CDON: variants seen among roughly 807,000 people sequenced by gnomAD.
CDON encodes cell adhesion associated, oncogene regulated, also known as cell adhesion molecule-related/down-regulated by oncogenes.
CDON carries 73 observed loss-of-function variants against 120.9 expected under a neutral mutation model. The observed-to-expected ratio is 0.60, with a 90% CI of 0.50 to 0.73. The LOEUF (loss-of-function observed/expected upper bound fraction) is 0.73. CDON is among the 30% of genes least tolerant of loss of function. CDON has a pLI of 0.00. For missense variants in CDON, 1,470 were observed against 1,587.3 expected, an observed-to-expected ratio of 0.93 and a Z score of 1.26; for synonymous variants, 566 against 573.5, an observed-to-expected ratio of 0.99 and a Z score of 0.19.
At chr11:125,982,680 T>C (rs1009776558) in intron 16 of CDON, among the ~76,000 whole-genome samples, 2 of 152,222 alleles carry the variant, frequency 1.3e-5, no homozygotes, top group African/African-American at 4.8e-5. Context: ...AACACCACCA[T>C]GAGAATTTTC....
chr11:126,019,666 G>C lies in CDON; in HGVS notation c.449C>G (p.Ala150Gly). ...TCCCCGGATTTTATAGCGCACCTCA[G>C]CTTTGGGGTTACTCTCCGGTACCCT... ...GCRVPESNPK[A>G]EVRYKIRGKW... Residue 150 changes from alanine (A) to glycine (G), a missense_variant, in exon 4 of 20, where the codon GCT becomes GGT. Coordinates refer to ENST00000531738, the MANE Select transcript of CDON (RefSeq NM_001378964.1). 6.2e-7 allele frequency: 1 copy of C among 1,614,070 alleles called. No homozygotes were observed.
chr11:126,045,999 A>C (rs1187341539), intron 1 of CDON, among the ~76,000 whole-genome samples: 1 of 152,082 alleles, frequency 6.6e-6, no homozygotes, highest in Non-Finnish European at 1.5e-5. Context: ...AAAAAAAGTC[A>C]CATTCAAGGT....
intron 18 of CDON, among the ~76,000 whole-genome samples, chr11:125,976,347 C>T (rs1435099347): frequency 6.6e-6 from 1 of 152,112 alleles, no homozygotes; most frequent in Non-Finnish European, 1.5e-5. Context: ...GAAGGCAATG[C>T]AGGCAAGTAA....
In CDON at chr11:126,023,554, A is replaced by G; in HGVS notation, c.-61-17T>C. 1.9e-6 allele frequency: 2 copies of G among 1,044,452 alleles called. No homozygotes were observed. The highest frequency in any genetic ancestry group is 3.0e-6 in the Non-Finnish European group (2 of 662,958). 64.7% of individuals were successfully genotyped at this position (1,044,452 alleles called of 1,614,324 possible). ...CTTGGTTCACTAAAAAAGAAAAAGG[A>G]AAGAAAATCTAAACCATTGAAATCT... On this transcript the variant is annotated splice_polypyrimidine_tract_variant and intron_variant, in intron 1 of 19. Transcript: ENST00000531738.
chr11:125,981,970 C>CCTT, intron 16 of CDON, among the ~76,000 whole-genome samples: 1 of 54,290 alleles, frequency 1.8e-5, no homozygotes, highest in Non-Finnish European at 3.1e-5. Flanking sequence ...ATTCTATTTT[C>CCTT]TTTTTTTTTT....
At chr11:126,032,444 G>A (rs571623110) in intron 1 of CDON, among the ~76,000 whole-genome samples, 1 of 152,150 alleles carries the variant, frequency 6.6e-6, no homozygotes, top group Non-Finnish European at 1.5e-5. Flanking sequence ...CAACATAAAT[G>A]AGCAGAAACA....
chr11:125,982,075 C>T (rs1468697537), intron 16 of CDON, among the ~76,000 whole-genome samples: 4 of 145,918 alleles, frequency 2.7e-5, no homozygotes, highest in Non-Finnish European at 5.9e-5. Context: ...CCTCTGCCTC[C>T]CGGGTTCAAG....
rs1945590216 is a variant in CDON at position 125,959,787 on chromosome 11, A to G, written c.*1155T>C. On this transcript the variant is annotated 3_prime_UTR_variant, in exon 20 of 20. Coordinates refer to ENST00000531738, the MANE Select transcript of CDON (RefSeq NM_001378964.1). ...AACAGACTGGAGAGCTCCCGCCAAG[A>G]CAGGCTCCCTGCAGCCCTCCCCTTT... 6.6e-6 allele frequency: 1 copy of G among 152,172 alleles called. No homozygotes were observed. Among genetic ancestry groups the G allele is most frequent in the Non-Finnish European group, 1.5e-5 (1 of 68,034 alleles). 9.4% of individuals were successfully genotyped at this position (152,172 alleles called of 1,614,324 possible). A position where few individuals can be genotyped will look rare whatever the true frequency, so the allele number is the denominator to read the frequency against.
At chr11:126,050,163 G>C (rs1948518973) in intron 1 of CDON, among the ~76,000 whole-genome samples, 1 of 150,626 alleles carries the variant, frequency 6.6e-6, no homozygotes, top group Non-Finnish European at 1.5e-5. Flanking sequence ...TTTCCATTAG[G>C]TCAATAGTAT....
chr11:125,969,466 T>C (rs1296317533), intron 18 of CDON, among the ~76,000 whole-genome samples: 1 of 152,246 alleles, frequency 6.6e-6, no homozygotes, highest in Non-Finnish European at 1.5e-5. Context: ...TAAAATGCTC[T>C]CACAATGCAC....
intron 14 of CDON, among the ~76,000 whole-genome samples, chr11:125,992,938 G>T (rs905859846): frequency 2.6e-5 from 4 of 152,168 alleles, no homozygotes; most frequent in African/African-American, 9.7e-5. Flanking sequence ...CCCAAAGCAA[G>T]AATCCCTTCC....
intron 1 of CDON, among the ~76,000 whole-genome samples, chr11:126,024,208 G>A (rs1386976998): frequency 6.6e-6 from 1 of 152,208 alleles, no homozygotes; most frequent in African/African-American, 2.4e-5. Flanking sequence ...GAAGGCCATG[G>A]TAAAGATCGT....
At chr11:125,992,327 A>T (rs930968365) in intron 14 of CDON, among the ~76,000 whole-genome samples, 8 of 152,132 alleles carry the variant, frequency 5.3e-5, no homozygotes, top group African/African-American at 1.9e-4. Context: ...CACCAACCTA[A>T]ATATTATCCT....
chr11:125,983,896 T>A lies in CDON; in HGVS notation c.2971A>T (p.Asn991Tyr). The change falls in exon 16 of 20, where the codon AAT (asparagine) becomes TAT (tyrosine). Residue 991 changes from asparagine (N) to tyrosine (Y), a missense_variant. Transcript: ENST00000531738. ...CTTTGTATGGTATTCTGCTGGCGATTCTTCCACAGGCACATTGCAATGAAA... is the reference window on the plus strand; with the variant it reads ...CTTTGTATGGTATTCTGCTGGCGATACTTCCACAGGCACATTGCAATGAAA... ...MVFIAMCLWK[N>Y]RQQNTIQKYD... 2 of 1,613,950 alleles carry A rather than the reference T, an allele frequency of 1.2e-6. No homozygotes were observed. The highest frequency in any genetic ancestry group is 1.7e-6 in the Non-Finnish European group (2 of 1,179,898).
intron 15 of CDON, among the ~76,000 whole-genome samples, chr11:125,988,536 G>C (rs1591358621): frequency 6.6e-6 from 1 of 152,026 alleles, no homozygotes; most frequent in Non-Finnish European, 1.5e-5. Context: ...CCTACTTCTG[G>C]GCTGCTTATT....
At chr11:126,004,343 C>T in intron 9 of CDON, 1 of 478,176 alleles carries the variant, frequency 2.1e-6, no homozygotes, top group Non-Finnish European at 3.8e-6. Flanking sequence ...ACTGCCCTCC[C>T]AGACTCTGTT....
chr11:126,029,106 A>G (rs1451003880), intron 1 of CDON, among the ~76,000 whole-genome samples: 1 of 152,186 alleles, frequency 6.6e-6, no homozygotes, highest in East Asian at 1.9e-4. Flanking sequence ...TTAGATCCTC[A>G]CACTGTGGTA....
chr11:126,037,985 G>A (rs1948147206), intron 1 of CDON, among the ~76,000 whole-genome samples: 1 of 152,132 alleles, frequency 6.6e-6, no homozygotes, highest in Non-Finnish European at 1.5e-5. Flanking sequence ...TAAGAGGAAA[G>A]GGGGAAAAAA....
chr11:126,021,203 A>G (rs951404648), intron 3 of CDON, 45 bp downstream of exon 3: 1 of 1,583,788 alleles, frequency 6.3e-7, no homozygotes, highest in African/African-American at 1.5e-5. Context: ...CACTAACAGT[A>G]ATTTCAAGAA....
Sources: gnomAD v4.1 joint callset for allele counts (sites outside exome capture counted in the v4.1 genomes callset) on GRCh38, gnomAD v4.1.1 for gene constraint, MANE v1.5 for transcripts, NCBI Gene and HGNC (gene_info 2026-07-23, HGNC 2026-07-21) for gene names.